Variants in NOS1AP observed in about 807,000 individuals in gnomAD.
NOS1AP encodes nitric oxide synthase 1 adaptor protein.
In NOS1AP, 21 loss-of-function variants were observed where a neutral mutation model predicts 56.2. The ratio of observed to expected loss-of-function variants is 0.37; its 90% CI spans 0.26 to 0.54. NOS1AP has a LOEUF of 0.54. Ranked by LOEUF, NOS1AP falls within the 20% of genes least tolerant of loss-of-function variation. The probability of loss-of-function intolerance (pLI) is 0.84; values close to 1 mark genes in which losing one functional copy is unlikely to be tolerated. For missense variants in NOS1AP, 522 were observed against 657.8 expected, an observed-to-expected ratio of 0.79 and a Z score of 2.26; for synonymous variants, 270 against 274.6, an observed-to-expected ratio of 0.98 and a Z score of 0.17.
intron 2 of NOS1AP, among the ~76,000 whole-genome samples, chr1:162,208,467 A>G (rs748241627): frequency 2.0e-5 from 3 of 152,168 alleles, no homozygotes; most frequent in African/African-American, 4.8e-5. Context: ...TTTAGCCACC[A>G]TGTATCTACT....
chr1:162,230,980 G>C (rs143197495), intron 2 of NOS1AP, among the ~76,000 whole-genome samples: 1 of 152,116 alleles, frequency 6.6e-6, no homozygotes, highest in Admixed American at 6.5e-5. Context: ...TTAAGACCCC[G>C]CTTTCAGTTA....
chr1:162,253,218 C>T (rs974864864), intron 2 of NOS1AP, among the ~76,000 whole-genome samples: 1 of 152,192 alleles, frequency 6.6e-6, no homozygotes, highest in African/African-American at 2.4e-5. Context: ...ACACTTCTTC[C>T]TTCCGCCATG....
intron 2 of NOS1AP, among the ~76,000 whole-genome samples, chr1:162,233,238 G>A (rs1317035677): frequency 6.6e-6 from 1 of 152,140 alleles, no homozygotes; most frequent in East Asian, 1.9e-4. Context: ...TGGAACCCCT[G>A]GTGTTGCTCA....
At chr1:162,196,803 A>T (rs949727943) in intron 2 of NOS1AP, among the ~76,000 whole-genome samples, 2 of 152,182 alleles carry the variant, frequency 1.3e-5, no homozygotes, top group Admixed American at 6.5e-5. Flanking sequence ...GCTTGGGGGG[A>T]ACAGACTGCC....
At chr1:162,241,011 G>A (rs1231218467) in intron 2 of NOS1AP, among the ~76,000 whole-genome samples, 1 of 152,166 alleles carries the variant, frequency 6.6e-6, no homozygotes, top group Non-Finnish European at 1.5e-5. Flanking sequence ...CTGAAATCCA[G>A]CCTATCCTCT....
At chr1:162,164,654 T>G (rs1406872858) in intron 2 of NOS1AP, among the ~76,000 whole-genome samples, 2 of 152,224 alleles carry the variant, frequency 1.3e-5, no homozygotes, top group African/African-American at 2.4e-5. Flanking sequence ...AGCATAATGT[T>G]TCTAAGGTAC....
chr1:162,240,284 T>TGTGTGTGTGTGTGTGTG (rs1553198216), intron 2 of NOS1AP, among the ~76,000 whole-genome samples: 3 of 151,030 alleles, frequency 2.0e-5, no homozygotes, highest in African/African-American at 7.3e-5. Flanking sequence ...TGTGTGTGTG[T>TGTGTGTGTGTGTGTGTG]TGAGGCATGC....
Position 162,248,009 on chromosome 1 carries a change from G to A in NOS1AP, c.178-39335G>A, listed in dbSNP as rs1653722972. Among the ~76,000 whole-genome samples, 3 of 152,238 alleles carry A rather than the reference G, an allele frequency of 2.0e-5. No homozygotes were observed. In the South Asian group the frequency reaches 6.2e-4, roughly 32 times the overall value. On this transcript the variant is annotated intron_variant, in intron 2 of 9. Transcript: ENST00000361897. ...AATTAAAATCAAAAGCTGGTCGTGT[G>A]TGGTGGCTCACACCTGTAATCCCAG... is the stretch of plus-strand genomic sequence containing the variant.
At chr1:162,173,283 A>G (rs1330656832) in intron 2 of NOS1AP, among the ~76,000 whole-genome samples, 2 of 152,160 alleles carry the variant, frequency 1.3e-5, no homozygotes, top group Non-Finnish European at 2.9e-5. Context: ...GGTGTGAGCC[A>G]CCACAGCTGT....
At chr1:162,185,164 C>T (rs1365640314) in intron 2 of NOS1AP, among the ~76,000 whole-genome samples, 3 of 152,194 alleles carry the variant, frequency 2.0e-5, no homozygotes, top group East Asian at 3.8e-4. Context: ...CTTCCTCTTC[C>T]ACTTTTGAGG....
intron 2 of NOS1AP, among the ~76,000 whole-genome samples, chr1:162,208,157 C>G (rs1652228115): frequency 6.6e-6 from 1 of 152,130 alleles, no homozygotes; most frequent in South Asian, 2.1e-4. Context: ...AGCCCTTTCA[C>G]CTGGCAGGGG....
intron 8 of NOS1AP, among the ~76,000 whole-genome samples, chr1:162,360,335 T>C (rs1657860215): frequency 1.3e-5 from 2 of 152,182 alleles, no homozygotes; most frequent in South Asian, 4.1e-4. Context: ...TGCTTTTAGG[T>C]GGACCAGAAG....
At chr1:162,094,194 T>C (rs375130626) in intron 1 of NOS1AP, among the ~76,000 whole-genome samples, 1 of 152,186 alleles carries the variant, frequency 6.6e-6, no homozygotes, top group Non-Finnish European at 1.5e-5. Flanking sequence ...GAGGGGGCTT[T>C]TACACACTCT....
intron 2 of NOS1AP, among the ~76,000 whole-genome samples, chr1:162,244,990 GAC>G (rs1392127064): frequency 6.6e-6 from 1 of 152,164 alleles, no homozygotes; most frequent in East Asian, 1.9e-4. Flanking sequence ...CTTGAGGGAA[GAC>G]CATAGCTGCC....
At chr1:162,328,980 A>C (rs190917721) in intron 4 of NOS1AP, among the ~76,000 whole-genome samples, 1 of 152,114 alleles carries the variant, frequency 6.6e-6, no homozygotes, top group Non-Finnish European at 1.5e-5. Flanking sequence ...GAGTTTACCT[A>C]TAGATGAATA....
At chr1:162,134,725 T>C (rs1206991860) in intron 1 of NOS1AP, among the ~76,000 whole-genome samples, 1 of 152,196 alleles carries the variant, frequency 6.6e-6, no homozygotes, top group East Asian at 1.9e-4. Context: ...TGCTCTGTTT[T>C]AGGTCCTTCT....
intron 1 of NOS1AP, among the ~76,000 whole-genome samples, chr1:162,120,047 A>G (rs910781967): frequency 4.0e-5 from 6 of 150,998 alleles, no homozygotes; most frequent in Non-Finnish European, 5.9e-5. Flanking sequence ...AAGCAACTTG[A>G]TTTTATATAT....
At chr1:162,303,729 A>G (rs373243160) in intron 4 of NOS1AP, among the ~76,000 whole-genome samples, 7 of 152,304 alleles carry the variant, frequency 4.6e-5, no homozygotes, top group African/African-American at 1.7e-4. Flanking sequence ...GACGTGAGCC[A>G]CTGCACTCAG....
chr1:162,205,931 T>C (rs1652147869), intron 2 of NOS1AP, among the ~76,000 whole-genome samples: 1 of 152,178 alleles, frequency 6.6e-6, no homozygotes, highest in African/African-American at 2.4e-5. Context: ...CTGCTACTCT[T>C]TGATGGTGTA....
Sources: allele counts gnomAD v4.1 joint callset (sites outside exome capture counted in the v4.1 genomes callset), GRCh38; gene constraint gnomAD v4.1.1; transcripts MANE v1.5; gene names NCBI Gene and HGNC (gene_info 2026-07-23, HGNC 2026-07-21).